The following AFAP1 variants were observed in gnomAD, a reference collection of about 807,000 sequenced individuals.
AFAP1 encodes the protein actin filament-associated protein 1.
AFAP1 carries 75 observed loss-of-function variants against 93.9 expected under a neutral mutation model. The observed-to-expected ratio is 0.80, with a 90% CI of 0.66 to 0.97. The LOEUF (loss-of-function observed/expected upper bound fraction) is 0.97. AFAP1 is among the 50% of genes least tolerant of loss of function. The pLI is 0.00. For synonymous variants in AFAP1, 517 were observed against 430.7 expected (o/e 1.20, Z -2.48); for missense variants, 1,201 against 1,050.8 (o/e 1.14, Z -1.98).
intron 10 of AFAP1, among the ~76,000 whole-genome samples, chr4:7,797,936 A>G (rs899570696): frequency 1.3e-5 from 2 of 152,242 alleles, no homozygotes; most frequent in African/African-American, 4.8e-5. Context: ...GACAGCAAGC[A>G]TGCGGAATGT....
chr4:7,868,812 C>A, intron 2 of AFAP1, 93 bp from the exon 3 acceptor site: 1 of 1,075,316 alleles, frequency 9.3e-7, no homozygotes, highest in Non-Finnish European at 1.4e-6. Context: ...CTGTGTTGAA[C>A]ACTTTGCAAA....
chr4:7,844,990 A>G (rs1713515233), intron 4 of AFAP1, among the ~76,000 whole-genome samples: 1 of 152,256 alleles, frequency 6.6e-6, no homozygotes. Flanking sequence ...AAGAGAACTC[A>G]TATTTTTACT....
At position 7,819,162 on chromosome 4, in the gene AFAP1, C is replaced by T. The variant is rs1474836988; in HGVS notation, c.736G>A (p.Glu246Lys). 1.2e-6 allele frequency: 2 copies of T among 1,610,198 alleles called. No individual in the cohort carries two copies. Among genetic ancestry groups the T allele is most frequent in the Admixed American group, 1.7e-5 (1 of 58,844 alleles). The change falls in exon 7 of 18, where the codon GAA becomes AAA. Residue 246 changes from glutamate to lysine, a missense_variant. Coordinates refer to ENST00000420658, the MANE Select transcript of AFAP1 (RefSeq NM_001134647.2). ...QAEQWLKVIK[E>K]AYSGCSGPVD... ...GGGCCACTACAACCACTGTAGGCTT[C>T]TTTGATCACCTATAAAAAGCACAGA...
chr4:7,920,006 T>C (rs566927871), intron 1 of AFAP1, among the ~76,000 whole-genome samples: 58 of 152,338 alleles, frequency 3.8e-4, no homozygotes, highest in Middle Eastern at 3.4e-3. Context: ...TAGTATTCCA[T>C]GGTGTGTATG....
chr4:7,790,655 C>G (rs749226186), intron 11 of AFAP1, among the ~76,000 whole-genome samples: 4 of 148,350 alleles, frequency 2.7e-5, no homozygotes, highest in Non-Finnish European at 5.9e-5. Flanking sequence ...GATCTTATAT[C>G]TCTTTAAAAA....
chr4:7,845,948 G>A (rs769809198), intron 4 of AFAP1, among the ~76,000 whole-genome samples: 2 of 152,180 alleles, frequency 1.3e-5, no homozygotes, highest in Non-Finnish European at 2.9e-5. Context: ...GGCACGAGGG[G>A]GCAGCATATG....
chr4:7,893,972 A>G (rs1718624497), intron 1 of AFAP1, among the ~76,000 whole-genome samples: 1 of 152,176 alleles, frequency 6.6e-6, no homozygotes, highest in Non-Finnish European at 1.5e-5. Flanking sequence ...GGAGGCTTCA[A>G]CAGAGGCTGA....
At chr4:7,919,773 T>G (rs1720331794) in intron 1 of AFAP1, among the ~76,000 whole-genome samples, 1 of 152,076 alleles carries the variant, frequency 6.6e-6, no homozygotes, top group Non-Finnish European at 1.5e-5. Context: ...GCATTAGCTG[T>G]TTTTCCTAAC....
intron 16 of AFAP1, among the ~76,000 whole-genome samples, chr4:7,770,909 C>A (rs887110995): frequency 6.6e-6 from 1 of 152,198 alleles, no homozygotes; most frequent in African/African-American, 2.4e-5. Flanking sequence ...AGGGAAGACC[C>A]CTGCCCTGTC....
intron 14 of AFAP1, chr4:7,775,562 AC>A (rs1716014016): frequency 1.3e-5 from 2 of 152,246 alleles, no homozygotes; most frequent in Admixed American, 6.5e-5. Flanking sequence ...TTGCTGCTAC[AC>A]CCCCAGCACT....
intron 1 of AFAP1, among the ~76,000 whole-genome samples, chr4:7,938,142 G>A (rs1254549190): frequency 6.6e-6 from 1 of 152,036 alleles, no homozygotes; most frequent in Non-Finnish European, 1.5e-5. Context: ...GGGTCGGCAT[G>A]AGCTGATGAC....
chr4:7,931,659 G>C (rs890247207), intron 1 of AFAP1, among the ~76,000 whole-genome samples: 1 of 151,368 alleles, frequency 6.6e-6, no homozygotes, highest in Non-Finnish European at 1.5e-5. Flanking sequence ...CTGGGATTAC[G>C]GGTGTGAGCC....
intron 4 of AFAP1, among the ~76,000 whole-genome samples, chr4:7,845,665 C>T (rs1713597508): frequency 6.6e-6 from 1 of 152,058 alleles, no homozygotes; most frequent in Non-Finnish European, 1.5e-5. Flanking sequence ...ACCCTCCGCC[C>T]ACAGGTGGGT....
At chr4:7,864,881 G>C (rs1716227487) in intron 3 of AFAP1, among the ~76,000 whole-genome samples, 1 of 152,100 alleles carries the variant, frequency 6.6e-6, no homozygotes, top group Admixed American at 6.5e-5. Flanking sequence ...GGGAGGCCTA[G>C]GCAGGAGGAT....
At position 7,838,538 on chromosome 4, in the gene AFAP1, C is replaced by T. The variant is rs759888877; in HGVS notation, c.712G>A (p.Glu238Lys). 5.6e-6 allele frequency: 9 copies of T among 1,613,604 alleles called. No homozygotes were observed. The highest frequency in any genetic ancestry group is 1.3e-5 in the African/African-American group (1 of 74,982). Reference sequence around the variant, plus strand: ...AGACAACCTACCTTCAGCCACTGCTCGGCCTGTTCCTTGCTCTGGACGGCG... The same window carrying T: ...AGACAACCTACCTTCAGCCACTGCTTGGCCTGTTCCTTGCTCTGGACGGCG... ...VLAVQSKEQA[E>K]QWLKVIKEAY... is the part of the protein sequence containing the mutation. The change falls in exon 6 of 18, where the codon GAG becomes AAG. Residue 238 changes from glutamate (E) to lysine (K), a missense_variant. Physicochemically the swap from Glu to Lys is moderately conservative, Grantham distance 56. Transcript: ENST00000420658.
At chr4:7,902,850 T>A (rs1719192789) in intron 1 of AFAP1, among the ~76,000 whole-genome samples, 1 of 152,174 alleles carries the variant, frequency 6.6e-6, no homozygotes, top group African/African-American at 2.4e-5. Context: ...CTTTTCTATC[T>A]GTACAAGGGA....
intron 4 of AFAP1, 99 bp downstream of exon 4, chr4:7,855,367 A>T: frequency 2.1e-6 from 2 of 944,792 alleles, no homozygotes; most frequent in Non-Finnish European, 3.2e-6. Flanking sequence ...ACAGTGTTTT[A>T]TAATACCCTG....
chr4:7,874,663 A>G (rs28766602), intron 1 of AFAP1, among the ~76,000 whole-genome samples: 51,244 of 148,630 alleles, frequency 0.34, 9,893 homozygotes, highest in Non-Finnish European at 0.45. Context: ...GATTACAGGC[A>G]TGAGCCACCA....
intron 1 of AFAP1, among the ~76,000 whole-genome samples, chr4:7,884,708 GA>G (rs1413677405): frequency 6.6e-6 from 1 of 151,996 alleles, no homozygotes; most frequent in Non-Finnish European, 1.5e-5. Context: ...AACCCAAACA[GA>G]AAAAAATGAA....
Sources: gnomAD v4.1 joint callset for allele counts (sites outside exome capture counted in the v4.1 genomes callset) on GRCh38, gnomAD v4.1.1 for gene constraint, MANE v1.5 for transcripts, NCBI Gene and HGNC (gene_info 2026-07-23, HGNC 2026-07-21) for gene names.